Variants in PLEK observed in about 807,000 individuals in gnomAD.
PLEK encodes platelet 47 kDa protein.
PLEK carries 25 observed loss-of-function variants against 43.9 expected under a neutral mutation model. The ratio of observed to expected loss-of-function variants is 0.57; its 90% CI spans 0.41 to 0.79. The LOEUF (loss-of-function observed/expected upper bound fraction) is 0.79. Ranked by LOEUF, PLEK falls within the 30% of genes least tolerant of loss-of-function variation. PLEK has a pLI of 0.00. For synonymous variants in PLEK, 152 were observed against 144.4 expected (o/e 1.05, Z -0.38); for missense variants, 396 against 413.3 (o/e 0.96, Z 0.36).
At chr2:68,369,605 C>T (rs1199612868) in intron 1 of PLEK, among the ~76,000 whole-genome samples, 10 of 151,128 alleles carry the variant, frequency 6.6e-5, no homozygotes, top group South Asian at 2.1e-4. Flanking sequence ...TTTCTATGGT[C>T]GCCATTTTTC....
chr2:68,374,704 T>C (rs999141519), intron 1 of PLEK, among the ~76,000 whole-genome samples: 2 of 152,184 alleles, frequency 1.3e-5, no homozygotes, highest in Non-Finnish European at 2.9e-5. Flanking sequence ...ATTATTGTAA[T>C]ATTTTCTCAT....
intron 1 of PLEK, among the ~76,000 whole-genome samples, chr2:68,366,803 A>C (rs1019103855): frequency 6.6e-6 from 1 of 152,216 alleles, no homozygotes; most frequent in African/African-American, 2.4e-5. Flanking sequence ...TTTCCTGATC[A>C]CTTGTGCTAG....
At chr2:68,375,265 G>C (rs1439337519) in intron 1 of PLEK, among the ~76,000 whole-genome samples, 1 of 152,086 alleles carries the variant, frequency 6.6e-6, no homozygotes, top group African/African-American at 2.4e-5. Flanking sequence ...ATTGTGATTT[G>C]AATCTGCATT....
intron 1 of PLEK, among the ~76,000 whole-genome samples, chr2:68,369,926 T>C (rs1257071482): frequency 6.6e-6 from 1 of 152,242 alleles, no homozygotes; most frequent in Non-Finnish European, 1.5e-5. Context: ...GTAAAAAATA[T>C]GCTACTGAAT....
intron 1 of PLEK, among the ~76,000 whole-genome samples, chr2:68,370,204 A>G (rs572269511): frequency 6.6e-6 from 1 of 152,346 alleles, no homozygotes; most frequent in South Asian, 2.1e-4. Flanking sequence ...CCAGCCATAC[A>G]TTGTATGTGA....
At chr2:68,393,342 C>CT (rs1673897938) in intron 7 of PLEK, 97 bp downstream of exon 7, 4 of 813,300 alleles carry the variant, frequency 4.9e-6, no homozygotes, top group Admixed American at 2.0e-5. Flanking sequence ...TTGATATCCC[C>CT]TTTTTCTCTT....
At chr2:68,365,583 G>A (rs1053036508) in intron 1 of PLEK, 190 bp downstream of exon 1, 3 of 541,514 alleles carry the variant, frequency 5.5e-6, no homozygotes, top group Non-Finnish European at 1.0e-5. Flanking sequence ...TCCAGCCCCG[G>A]CTTCCTTACA....
intron 6 of PLEK, 24 bp downstream of exon 6, chr2:68,388,515 T>C (rs1428220811): frequency 4.9e-6 from 6 of 1,219,618 alleles, no homozygotes; most frequent in Non-Finnish European, 6.1e-6. Flanking sequence ...ACTGCTCCCA[T>C]CTAGCCTTTT....
At chr2:68,367,303 G>C (rs972271189) in intron 1 of PLEK, among the ~76,000 whole-genome samples, 3 of 151,482 alleles carry the variant, frequency 2.0e-5, no homozygotes, top group African/African-American at 7.3e-5. Flanking sequence ...CAGGAGTATA[G>C]GTACAGGCTT....
chr2:68,389,354 T>C (rs1458562986), intron 6 of PLEK, among the ~76,000 whole-genome samples: 1 of 152,242 alleles, frequency 6.6e-6, no homozygotes, highest in African/African-American at 2.4e-5. Context: ...TTAAAAGTGC[T>C]GCTCAGTATA....
intron 1 of PLEK, among the ~76,000 whole-genome samples, chr2:68,379,066 G>A (rs1325718433): frequency 2.6e-5 from 4 of 152,128 alleles, no homozygotes; most frequent in Non-Finnish European, 5.9e-5. Context: ...CCTGACAGGC[G>A]GAGCTTGCAG....
intron 4 of PLEK, among the ~76,000 whole-genome samples, chr2:68,383,589 G>A (rs1228306220): frequency 6.6e-6 from 1 of 152,186 alleles, no homozygotes; most frequent in Non-Finnish European, 1.5e-5. Context: ...AGGCAGACAT[G>A]TGCAGAATAT....
intron 3 of PLEK, 66 bp downstream of exon 3, chr2:68,380,970 C>A (rs1673602389): frequency 7.1e-7 from 1 of 1,405,206 alleles, no homozygotes; most frequent in Non-Finnish European, 9.9e-7. Context: ...GCAGATCCTG[C>A]TCCAAGGCTT....
rs1867313 is a variant in PLEK at position 68,396,520 on chromosome 2, T to C, written c.*704T>C. On this transcript the variant is annotated 3_prime_UTR_variant, in exon 9 of 9. Transcript: ENST00000234313. ...AGTTGTGTCTTCTGGGAAAGAGACC[T>C]GGGGAGGCCAGGAGTAGCTGAGGGT... 121,417 of 151,920 alleles carry C rather than the reference T, an allele frequency of 0.8. 49,268 individuals are homozygous for C. The highest frequency in any genetic ancestry group is 0.93 in the African/African-American group (38,384 of 41,418). The allele number at this position is 151,920 out of a possible 1,614,324, so 9.4% of individuals were successfully genotyped here.
chr2:68,370,842 A>G (rs1291543696), intron 1 of PLEK, among the ~76,000 whole-genome samples: 1 of 152,204 alleles, frequency 6.6e-6, no homozygotes, highest in African/African-American at 2.4e-5. Context: ...GAGCCATTCT[A>G]TCATTATTTG....
intron 5 of PLEK, among the ~76,000 whole-genome samples, chr2:68,387,706 A>G (rs932082164): frequency 1.3e-5 from 2 of 151,780 alleles, no homozygotes; most frequent in Non-Finnish European, 2.9e-5. Flanking sequence ...TAAGAGAACC[A>G]TTCTTCTTAT....
At position 68,395,914 on chromosome 2, in the gene PLEK, C is replaced by A; in HGVS notation, c.*98C>A. On this transcript the variant is annotated 3_prime_UTR_variant, in exon 9 of 9. Coordinates refer to ENST00000234313, the MANE Select transcript of PLEK (RefSeq NM_002664.3). The stretch of plus-strand genomic sequence containing the variant: ...CTGTGACAAATCAACGGGAAACAGC[C>A]CAGGGGTGGGAAGTTTTCATTTGCA... The A allele has an allele frequency of 9.0e-7, 1 of 1,109,278 alleles. No homozygotes were observed. Among genetic ancestry groups the A allele is most frequent in the Non-Finnish European group, 1.3e-6 (1 of 748,690 alleles). 68.7% of individuals were successfully genotyped at this position (1,109,278 alleles called of 1,614,324 possible). A position where few individuals can be genotyped will look rare whatever the true frequency, so the allele number is the denominator to read the frequency against.
Position 68,395,945 on chromosome 2 carries a change from G to C in PLEK, c.*129G>C. The C allele has an allele frequency of 6.5e-6, 5 of 773,574 alleles. No individual in the cohort carries two copies. Among genetic ancestry groups the C allele is most frequent in the Non-Finnish European group, 8.7e-6 (4 of 460,154 alleles). The allele number at this position is 773,574 out of a possible 1,614,324, so 47.9% of individuals were successfully genotyped here. A position where few individuals can be genotyped will look rare whatever the true frequency, so the allele number is the denominator to read the frequency against. On this transcript the variant is annotated 3_prime_UTR_variant, in exon 9 of 9. Coordinates refer to ENST00000234313, the MANE Select transcript of PLEK (RefSeq NM_002664.3). ...GTGGGAAGTTTTCATTTGCAGGGGG[G>C]TCTGAATGTAACTCACCATGTGGTG...
In PLEK at chr2:68,393,221, C is replaced by T. The variant is rs774065532; in HGVS notation, c.822C>T (p.Tyr274=). The change falls in exon 7 of 9, where the codon TAC becomes TAT. Residue 274 remains tyrosine, a synonymous_variant. Transcript: ENST00000234313. The part of the protein sequence containing the change: ...RKFILREDPA[Y]LHYYDPAGAE... ...TCATCTTGAGAGAAGACCCTGCCTA[C>T]CTGCACTACTATGACCCTGCTGGGG... The T allele has an allele frequency of 3.1e-6, 5 of 1,611,022 alleles. No individual in the cohort carries two copies. The highest frequency in any genetic ancestry group is 4.2e-6 in the Non-Finnish European group (5 of 1,177,150).
Sources: gnomAD v4.1 joint callset for allele counts (sites outside exome capture counted in the v4.1 genomes callset) on GRCh38, gnomAD v4.1.1 for gene constraint, MANE v1.5 for transcripts, NCBI Gene and HGNC (gene_info 2026-07-23, HGNC 2026-07-21) for gene names.